Variants in ZNF354B observed in about 807,000 individuals in gnomAD.
The protein encoded by ZNF354B is zinc finger protein 354B.
In ZNF354B, 10 loss-of-function variants were observed where a neutral mutation model predicts 12.9. The observed-to-expected ratio is 0.77, with a 90% CI of 0.48 to 1.31. The LOEUF is 1.31. ZNF354B is among the 40% of genes most tolerant of loss of function. The pLI, the probability that ZNF354B is intolerant of heterozygous loss-of-function variation, is 0.00. For missense variants in ZNF354B, 614 were observed against 711.7 expected, an observed-to-expected ratio of 0.86 and a Z score of 1.56; for synonymous variants, 260 against 243.7, an observed-to-expected ratio of 1.07 and a Z score of -0.62.
intron 4 of ZNF354B, among the ~76,000 whole-genome samples, chr5:178,870,171 AT>A (rs1757539740): frequency 1.3e-5 from 2 of 152,170 alleles, no homozygotes; most frequent in South Asian, 2.1e-4. Context: ...AAGAAAAAAA[AT>A]ATTTTAGACA....
intron 2 of ZNF354B, among the ~76,000 whole-genome samples, chr5:178,863,554 C>T (rs1200511286): frequency 6.6e-6 from 1 of 152,178 alleles, no homozygotes; most frequent in African/African-American, 2.4e-5. Context: ...TTGTACAGTT[C>T]ATAATAGTTG....
intron 4 of ZNF354B, among the ~76,000 whole-genome samples, chr5:178,867,715 C>A (rs1205621421): frequency 2.6e-5 from 4 of 152,054 alleles, no homozygotes; most frequent in African/African-American, 9.7e-5. Flanking sequence ...CCATTTATGT[C>A]TAATGAAAAT....
At chr5:178,861,664 A>G (rs80110059) in intron 2 of ZNF354B, among the ~76,000 whole-genome samples, 10,407 of 120,816 alleles carry the variant, frequency 0.086, 503 homozygotes, top group African/African-American at 0.15. Context: ...GACTCGCAGG[A>G]CACAGAAGAC....
At chr5:178,866,852 T>C in intron 3 of ZNF354B, 124 bp from the exon 4 acceptor site, 1 of 875,324 alleles carries the variant, frequency 1.1e-6, no homozygotes, top group Non-Finnish European at 1.8e-6. Flanking sequence ...TTATAAGTTT[T>C]AATTACATCA....
chr5:178,884,348 T>C lies in ZNF354B; in HGVS notation c.*57T>C, dbSNP rs546462926. 11 of 1,500,546 alleles carry C rather than the reference T, an allele frequency of 7.3e-6. No individual in the cohort carries two copies. In the African/African-American group the frequency reaches 8.4e-5, roughly 11 times the overall value. 93.0% of individuals were successfully genotyped at this position (1,500,546 alleles called of 1,614,324 possible). ...ATGCTTGAGAGTGATTTATTAAATA[T>C]AATGAATATGAGAAAACTCTTAGTT... On this transcript the variant is annotated 3_prime_UTR_variant, in exon 5 of 5. Transcript: ENST00000322434.
At chr5:178,876,879 A>G (rs893657479) in intron 4 of ZNF354B, among the ~76,000 whole-genome samples, 4 of 141,842 alleles carry the variant, frequency 2.8e-5, no homozygotes, top group African/African-American at 7.7e-5. Context: ...GATGTTTTCT[A>G]TTTATTTTTT....
Position 178,884,426 on chromosome 5 carries a change from G to A in ZNF354B, c.*135G>A. ...AACTTTAGCTATGTAATAACTTATGGGAAAAGCTTTTATACTTGTCACTCA... is the reference window on the plus strand; with the variant it reads ...AACTTTAGCTATGTAATAACTTATGAGAAAAGCTTTTATACTTGTCACTCA... On this transcript the variant is annotated 3_prime_UTR_variant, in exon 5 of 5. Transcript: ENST00000322434. 1.0e-6 allele frequency: 1 copy of A among 971,814 alleles called. No homozygotes were observed. Among genetic ancestry groups the A allele is most frequent in the Non-Finnish European group, 1.5e-6 (1 of 684,278 alleles). 60.2% of individuals were successfully genotyped at this position (971,814 alleles called of 1,614,324 possible). A position where few individuals can be genotyped will look rare whatever the true frequency, so the allele number is the denominator to read the frequency against.
intron 2 of ZNF354B, among the ~76,000 whole-genome samples, chr5:178,864,856 C>CA (rs900060793): frequency 3.9e-4 from 59 of 152,196 alleles, no homozygotes; most frequent in African/African-American, 1.4e-3. Flanking sequence ...CTCCTGAGCT[C>CA]AGGCAGTCCA....
chr5:178,867,348 C>A (rs986798706), intron 4 of ZNF354B, among the ~76,000 whole-genome samples: 8 of 152,166 alleles, frequency 5.3e-5, no homozygotes, highest in African/African-American at 1.9e-4. Context: ...TAAGGAACTT[C>A]AAATAATCAC....
chr5:178,865,063 G>A (rs1757426249), intron 2 of ZNF354B, among the ~76,000 whole-genome samples: 1 of 152,158 alleles, frequency 6.6e-6, no homozygotes, highest in South Asian at 2.1e-4. Flanking sequence ...ATATTTGTTT[G>A]TATTAATGTG....
In ZNF354B at chr5:178,862,652, G is replaced by A. The variant is rs1214321744; in HGVS notation, c.33+1572G>A. On this transcript the variant is annotated intron_variant, in intron 2 of 4. Coordinates refer to ENST00000322434, the MANE Select transcript of ZNF354B (RefSeq NM_058230.3). ...CGGAGTGCTGGGATTAAAGGTGTGA[G>A]CCGCCGCGCCTGGCGGCGTTATCTT... Among the ~76,000 whole-genome samples the A allele has an allele frequency of 2.0e-5, 3 of 152,350 alleles. No individual in the cohort carries two copies. In the East Asian group the frequency reaches 5.8e-4, roughly 29 times the overall value.
intron 4 of ZNF354B, 61 bp from the exon 5 acceptor site, chr5:178,882,648 C>T (rs1487097117): frequency 6.7e-7 from 1 of 1,483,374 alleles, no homozygotes; most frequent in Non-Finnish European, 8.9e-7. Context: ...CCCTTCTACA[C>T]ATTTAGTCTC....
In ZNF354B at chr5:178,884,295, C is replaced by A. The variant is rs1757768500; in HGVS notation, c.*4C>A. ...AAAAGCCGATTTGCATGTGTGAAAG[C>A]CTTAAACCAAAACTCATCAGAGAAT... On this transcript the variant is annotated 3_prime_UTR_variant, in exon 5 of 5. Transcript: ENST00000322434. 6.4e-7 allele frequency: 1 copy of A among 1,566,622 alleles called. No homozygotes were observed. Among genetic ancestry groups the A allele is most frequent in the African/African-American group, 1.4e-5 (1 of 72,866 alleles).
At chr5:178,877,569 G>A (rs1331747197) in intron 4 of ZNF354B, among the ~76,000 whole-genome samples, 1 of 152,182 alleles carries the variant, frequency 6.6e-6, no homozygotes, top group African/African-American at 2.4e-5. Flanking sequence ...GCCACATCAG[G>A]TCAGTGGGGA....
At chr5:178,863,173 C>G (rs567740933) in intron 2 of ZNF354B, among the ~76,000 whole-genome samples, 1 of 152,160 alleles carries the variant, frequency 6.6e-6, no homozygotes, top group South Asian at 2.1e-4. Context: ...ATTTGATGCT[C>G]TTTTTCACCA....
chr5:178,884,513 TA>T lies in ZNF354B; in HGVS notation c.*226del. 2 of 434,494 alleles carry T rather than the reference TA, an allele frequency of 4.6e-6. No homozygotes were observed. The highest frequency in any genetic ancestry group is 8.0e-6 in the Non-Finnish European group (2 of 251,046). 26.9% of individuals were successfully genotyped at this position (434,494 alleles called of 1,614,324 possible). A position where few individuals can be genotyped will look rare whatever the true frequency, so the allele number is the denominator to read the frequency against. ...ACATTGAAATTGGCCATTTGTAAGATAAAAGGTATGTTTATAAAATCTCTTT... is the reference window on the plus strand; with the variant it reads ...ACATTGAAATTGGCCATTTGTAAGATAAAGGTATGTTTATAAAATCTCTTT... On this transcript the variant is annotated 3_prime_UTR_variant, in exon 5 of 5. Transcript: ENST00000322434.
At position 178,866,252 on chromosome 5, in the gene ZNF354B, G is replaced by A. The variant is rs116171970; in HGVS notation, c.42G>A (p.Leu14=). The change falls in exon 3 of 5, where the codon CTG becomes CTA. Residue 14 remains leucine (L), a synonymous_variant. Transcript: ENST00000322434. ...ACGACTTGTCCTTACAGGTGTCACT[G>A]ACATTCGAGGACGTGGCTGTGCTCT... is the stretch of plus-strand genomic sequence containing the variant. ...GQREARPQVS[L]TFEDVAVLFT... 9,887 of 1,614,038 alleles carry A rather than the reference G, an allele frequency of 6.1e-3. 511 individuals carry two copies. The East Asian group carries it at 0.14, about 22-fold the overall frequency.
chr5:178,872,955 T>G (rs1413478960), intron 4 of ZNF354B, among the ~76,000 whole-genome samples: 1 of 151,956 alleles, frequency 6.6e-6, no homozygotes, highest in Non-Finnish European at 1.5e-5. Context: ...CCCAGCTAAT[T>G]TTTGGCATTT....
At chr5:178,872,329 T>C (rs1351932695) in intron 4 of ZNF354B, among the ~76,000 whole-genome samples, 1 of 152,240 alleles carries the variant, frequency 6.6e-6, no homozygotes, top group Non-Finnish European at 1.5e-5. Context: ...GTACTTCATT[T>C]CTTTTAATTG....
Sources: allele counts gnomAD v4.1 joint callset (sites outside exome capture counted in the v4.1 genomes callset), GRCh38; gene constraint gnomAD v4.1.1; transcripts MANE v1.5; gene names NCBI Gene and HGNC (gene_info 2026-07-23, HGNC 2026-07-21).